Variants in CAMK1D observed in about 807,000 individuals in gnomAD.
The protein encoded by CAMK1D is calcium/calmodulin-dependent protein kinase type 1D.
Under a neutral mutation model 47.7 loss-of-function variants are expected in CAMK1D, and 9 were observed. The ratio of observed to expected loss-of-function variants is 0.19; its 90% CI spans 0.11 to 0.33. The LOEUF is 0.33. CAMK1D is among the 10% of genes least tolerant of loss of function. CAMK1D has a pLI of 1.00. For synonymous variants in CAMK1D, 184 were observed against 184.9 expected, an observed-to-expected ratio of 0.99 and a Z score of 0.04; for missense variants, 291 against 488.7, an observed-to-expected ratio of 0.60 and a Z score of 3.81.
At chr10:12,564,119 G>GTCTCTCTCTCTCTC (rs765364710) in intron 2 of CAMK1D, among the ~76,000 whole-genome samples, 3 of 127,232 alleles carry the variant, frequency 2.4e-5, no homozygotes, top group African/African-American at 6.0e-5. Flanking sequence ...CTGTCTAGAT[G>GTCTCTCTCTCTCTC]TCTCTCTCTC....
chr10:12,603,907 G>A (rs930832104), intron 2 of CAMK1D, among the ~76,000 whole-genome samples: 4 of 152,086 alleles, frequency 2.6e-5, no homozygotes, highest in African/African-American at 9.7e-5. Context: ...CCTTAGAAAC[G>A]CTGTGTACCC....
At chr10:12,703,828 C>T (rs1044486890) in intron 3 of CAMK1D, among the ~76,000 whole-genome samples, 32 of 150,034 alleles carry the variant, frequency 2.1e-4, no homozygotes, top group African/African-American at 7.6e-4. Context: ...GAGATCACGC[C>T]ACTGCACTCC....
chr10:12,539,393 G>A (rs1046767240), intron 1 of CAMK1D, among the ~76,000 whole-genome samples: 5 of 152,216 alleles, frequency 3.3e-5, no homozygotes, highest in Non-Finnish European at 7.3e-5. Flanking sequence ...GCTCAAAAGA[G>A]TGCCTAAAGT....
chr10:12,603,923 T>A (rs1049265402), intron 2 of CAMK1D, among the ~76,000 whole-genome samples: 14 of 152,106 alleles, frequency 9.2e-5, no homozygotes. Context: ...TACCCAGAGG[T>A]CTCTGGGAGT....
At position 12,473,277 on chromosome 10, in the gene CAMK1D, A is replaced by G. The variant is rs552924259; in HGVS notation, c.93-79948A>G. ...GTGAAGACCTTTGCCTATCAAAATC[A>G]TAACAATAGTGAACTGAGGCTGGGT... On this transcript the variant is annotated intron_variant, in intron 1 of 10. Coordinates refer to ENST00000619168, the MANE Select transcript of CAMK1D (RefSeq NM_153498.4). Among the ~76,000 whole-genome samples the G allele has an allele frequency of 3.9e-5, 6 of 152,230 alleles. No individual in the cohort carries two copies. The South Asian group carries it at 1.2e-3, about 32-fold the overall frequency.
intron 3 of CAMK1D, among the ~76,000 whole-genome samples, chr10:12,682,884 T>A (rs1207215722): frequency 1.3e-5 from 2 of 151,956 alleles, no homozygotes; most frequent in Non-Finnish European, 2.9e-5. Context: ...GTTATTTTAA[T>A]CTTTGGAAAA....
intron 2 of CAMK1D, among the ~76,000 whole-genome samples, chr10:12,664,987 A>G (rs1276399175): frequency 6.6e-6 from 1 of 152,232 alleles, no homozygotes; most frequent in Non-Finnish European, 1.5e-5. Context: ...TTTTGTGGGC[A>G]TATTCTTTTA....
chr10:12,469,867 G>T (rs1382237097), intron 1 of CAMK1D, among the ~76,000 whole-genome samples: 3 of 151,698 alleles, frequency 2.0e-5, no homozygotes, highest in East Asian at 3.9e-4. Flanking sequence ...CTGGCTGATT[G>T]TTTTTTTTCC....
intron 5 of CAMK1D, among the ~76,000 whole-genome samples, chr10:12,781,979 T>G (rs146885594): frequency 0.21 from 32,095 of 149,294 alleles, 3,494 homozygotes; most frequent in East Asian, 0.38. Context: ...ATTGTTTTTT[T>G]TTTTTTTTTT....
chr10:12,709,235 C>A (rs1239993594), intron 3 of CAMK1D, among the ~76,000 whole-genome samples: 1 of 152,126 alleles, frequency 6.6e-6, no homozygotes, highest in East Asian at 1.9e-4. Flanking sequence ...ACAAAAAGGC[C>A]TTGTGGGCTT....
At chr10:12,602,855 C>T (rs1297114692) in intron 2 of CAMK1D, among the ~76,000 whole-genome samples, 2 of 144,138 alleles carry the variant, frequency 1.4e-5, no homozygotes, top group Non-Finnish European at 3.1e-5. Flanking sequence ...TCTGGACCCA[C>T]AGTGACTCCC....
At chr10:12,551,301 A>G (rs922013116) in intron 1 of CAMK1D, among the ~76,000 whole-genome samples, 1 of 152,016 alleles carries the variant, frequency 6.6e-6, no homozygotes, top group Non-Finnish European at 1.5e-5. Context: ...TAGGTTGCAC[A>G]CTCTTTATGA....
At chr10:12,501,373 G>A (rs1189273325) in intron 1 of CAMK1D, among the ~76,000 whole-genome samples, 1 of 152,164 alleles carries the variant, frequency 6.6e-6, no homozygotes, top group Non-Finnish European at 1.5e-5. Context: ...GGTGAGGGGC[G>A]AGGGGGACTT....
At chr10:12,506,957 A>T (rs1235399899) in intron 1 of CAMK1D, among the ~76,000 whole-genome samples, 1 of 152,222 alleles carries the variant, frequency 6.6e-6, no homozygotes, top group African/African-American at 2.4e-5. Context: ...AGGAGCAAGG[A>T]GATGGACTCT....
Position 12,620,211 on chromosome 10 carries a change from AAAAAAAAT to A in CAMK1D, c.225-46521_225-46514del, listed in dbSNP as rs1416200074. Among the ~76,000 whole-genome samples, 48 of 146,406 alleles carry A rather than the reference AAAAAAAAT, an allele frequency of 3.3e-4. 1 individual carries two copies. The highest frequency in any genetic ancestry group is 1.0e-3 in the Admixed American group (15 of 14,466). Reference sequence around the variant, plus strand: ...CAAAAAAAAAAAAAAAAAAAAAAAAAAAAAAAATAAAGCTGCTATAAACGTCCATGTAC... The same window carrying A: ...CAAAAAAAAAAAAAAAAAAAAAAAAAAAAGCTGCTATAAACGTCCATGTAC... On this transcript the variant is annotated intron_variant, in intron 2 of 10. Transcript: ENST00000619168.
chr10:12,735,745 C>T (rs1835158842), intron 3 of CAMK1D, among the ~76,000 whole-genome samples: 1 of 151,694 alleles, frequency 6.6e-6, no homozygotes, highest in African/African-American at 2.4e-5. Flanking sequence ...CTGGCACGTT[C>T]TAATCCCCGA....
chr10:12,392,845 A>T lies in CAMK1D; in HGVS notation c.92+42935A>T, dbSNP rs117462775. Reference sequence around the variant, plus strand: ...TAACCACCATATTACATTCTAGTGAAAAAACAACTTCATTAGAAATTTTGA... The same window carrying T: ...TAACCACCATATTACATTCTAGTGATAAAACAACTTCATTAGAAATTTTGA... On this transcript the variant is annotated intron_variant, in intron 1 of 10. Coordinates refer to ENST00000619168, the MANE Select transcript of CAMK1D (RefSeq NM_153498.4). Among the ~76,000 whole-genome samples the T allele has an allele frequency of 4.3e-3, 657 of 152,198 alleles. 10 individuals are homozygous for T. The East Asian group carries it at 0.058, about 13-fold the overall frequency.
intron 1 of CAMK1D, among the ~76,000 whole-genome samples, chr10:12,501,455 T>G (rs879529421): frequency 6.6e-6 from 1 of 152,220 alleles, no homozygotes; most frequent in African/African-American, 2.4e-5. Flanking sequence ...CGGATTGCCA[T>G]GTCATGGGCC....
intron 3 of CAMK1D, among the ~76,000 whole-genome samples, chr10:12,757,949 T>C (rs1836312857): frequency 6.6e-6 from 1 of 150,764 alleles, no homozygotes; most frequent in African/African-American, 2.4e-5. Context: ...CCTCCCCAGT[T>C]CAAGCAGTTC....
Sources: gnomAD v4.1 joint callset for allele counts (sites outside exome capture counted in the v4.1 genomes callset) on GRCh38, gnomAD v4.1.1 for gene constraint, MANE v1.5 for transcripts, NCBI Gene and HGNC (gene_info 2026-07-23, HGNC 2026-07-21) for gene names.